MEI1: variants seen among roughly 807,000 people sequenced by gnomAD.
MEI1 encodes the protein meiosis inhibitor protein 1.
MEI1 carries 103 observed loss-of-function variants against 146.2 expected under a neutral mutation model. The ratio of observed to expected loss-of-function variants is 0.70; its 90% confidence interval spans 0.60 to 0.83. The LOEUF (loss-of-function observed/expected upper bound fraction) is 0.83. Among genes scored for constraint, MEI1 ranks in the 40% least tolerant of loss-of-function variants. MEI1 has a pLI of 0.00. For missense variants in MEI1, 1,529 were observed against 1,533.0 expected (o/e 1.00, Z 0.04); for synonymous variants, 652 against 628.2 (o/e 1.04, Z -0.57).
chr22:41,761,782 C>T lies in MEI1; in HGVS notation c.2121-1392C>T, dbSNP rs868029348. ...TCCATCACTGCAAAGCTGTCACTTC[C>T]GTTCCTCCTCCCCAGCTCCTGGCAA... On this transcript the variant is annotated intron_variant, in intron 18 of 30. Coordinates refer to ENST00000401548, the MANE Select transcript of MEI1 (RefSeq NM_152513.4). Among the ~76,000 whole-genome samples the T allele has an allele frequency of 1.2e-4, 18 of 152,308 alleles. No individual in the cohort carries two copies. In the Middle Eastern group the frequency reaches 0.01, roughly 86 times the overall value.
chr22:41,765,473 G>A (rs954983574), intron 19 of MEI1, among the ~76,000 whole-genome samples: 1 of 151,996 alleles, frequency 6.6e-6, no homozygotes, highest in Admixed American at 6.6e-5. Flanking sequence ...AGAGTAAGAC[G>A]TTGTCTCAAA....
At chr22:41,721,078 C>A (rs2070741490) in intron 6 of MEI1, among the ~76,000 whole-genome samples, 1 of 149,650 alleles carries the variant, frequency 6.7e-6, no homozygotes, top group Non-Finnish European at 1.5e-5. Flanking sequence ...TGCGCCCAGC[C>A]TTTTTTTTGT....
intron 8 of MEI1, among the ~76,000 whole-genome samples, 196 bp downstream of exon 8, chr22:41,729,975 TGTG>T (rs962560833): frequency 1.4e-4 from 21 of 152,248 alleles, no homozygotes; most frequent in African/African-American, 5.1e-4. Context: ...AAAAACCTAA[TGTG>T]GGGTGGTGAA....
At chr22:41,726,773 A>G (rs2071394055) in intron 7 of MEI1, among the ~76,000 whole-genome samples, 1 of 151,784 alleles carries the variant, frequency 6.6e-6, no homozygotes, top group African/African-American at 2.4e-5. Flanking sequence ...GATAAAGATT[A>G]ATTTCTTTTT....
intron 3 of MEI1, among the ~76,000 whole-genome samples, chr22:41,707,127 C>T (rs1266703890): frequency 6.6e-6 from 1 of 151,910 alleles, no homozygotes; most frequent in Non-Finnish European, 1.5e-5. Flanking sequence ...CACTTGAACC[C>T]GGGAGGTGGA....
At chr22:41,772,608 G>A (rs887679821) in intron 20 of MEI1, among the ~76,000 whole-genome samples, 1 of 152,140 alleles carries the variant, frequency 6.6e-6, no homozygotes, top group African/African-American at 2.4e-5. Flanking sequence ...AGGCATAAAC[G>A]ACTGTACCTG....
chr22:41,700,241 G>A (rs1392049511), intron 1 of MEI1, among the ~76,000 whole-genome samples: 1 of 152,256 alleles, frequency 6.6e-6, no homozygotes, highest in African/African-American at 2.4e-5. Flanking sequence ...CAGCCGGGCA[G>A]AAGTGGGGGT....
Position 41,770,083 on chromosome 22 carries a change from G to A in MEI1, c.2269-603G>A, listed in dbSNP as rs188266718. 1.1e-3 allele frequency among the ~76,000 whole-genome samples: 164 copies of A among 151,804 alleles called. 1 individual carries two copies. The highest frequency in any genetic ancestry group is 3.9e-3 in the African/African-American group (160 of 41,426). Reference sequence around the variant, plus strand: ...CGGGAGGCAGAGGTTGCGGTGAGCCGAGATCATGCCATTGCACTCCAGCCT... The same window carrying A: ...CGGGAGGCAGAGGTTGCGGTGAGCCAAGATCATGCCATTGCACTCCAGCCT... On this transcript the variant is annotated intron_variant, in intron 19 of 30. Transcript: ENST00000401548.
chr22:41,765,911 A>G lies in MEI1; in HGVS notation c.2268+2590A>G, dbSNP rs548114562. Among the ~76,000 whole-genome samples the G allele has an allele frequency of 1.8e-3, 211 of 119,646 alleles. 1 individual carries two copies. The highest frequency in any genetic ancestry group is 6.8e-3 in the African/African-American group (197 of 28,890). 78.5% of individuals were successfully genotyped at this position (119,646 alleles called of 152,430 possible). On this transcript the variant is annotated intron_variant, in intron 19 of 30. Coordinates refer to ENST00000401548, the MANE Select transcript of MEI1 (RefSeq NM_152513.4). ...TTTTTTTTTTTTTTTTTTTTTTTAG[A>G]CGGAGTCTTGCTCTGTCGCCAGGCT...
chr22:41,699,515 C>A lies in MEI1; in HGVS notation c.-24C>A. On this transcript the variant is annotated 5_prime_UTR_variant, in exon 1 of 31. Coordinates refer to ENST00000401548, the MANE Select transcript of MEI1 (RefSeq NM_152513.4). Reference sequence around the variant, plus strand: ...GCAGTCTGCGCGGGAAAGAGTGCCGCCTCAGCTGAGGGCAAGCGAGGAGAT... The same window carrying A: ...GCAGTCTGCGCGGGAAAGAGTGCCGACTCAGCTGAGGGCAAGCGAGGAGAT... 6.3e-7 allele frequency: 1 copy of A among 1,598,128 alleles called. No homozygotes were observed. The highest frequency in any genetic ancestry group is 2.2e-5 in the East Asian group (1 of 44,636).
chr22:41,781,062 T>C (rs2148148120), intron 22 of MEI1, among the ~76,000 whole-genome samples: 1 of 152,376 alleles, frequency 6.6e-6, no homozygotes, highest in African/African-American at 2.4e-5. Flanking sequence ...CTTTCTGTGA[T>C]GTGCAGCTGT....
At position 41,705,575 on chromosome 22, in the gene MEI1, T is replaced by C. The variant is rs777287967; in HGVS notation, c.349+21T>C. 2.1e-5 allele frequency: 34 copies of C among 1,603,694 alleles called. No individual in the cohort carries two copies. In the East Asian group the frequency reaches 7.4e-4, roughly 35 times the overall value. ...TGAAGGTAAGTTGAAACCTTGTATCTAGCACTTGAAGATGAAAGTATTAGT... is the reference window on the plus strand; with the variant it reads ...TGAAGGTAAGTTGAAACCTTGTATCCAGCACTTGAAGATGAAAGTATTAGT... On this transcript the variant is annotated intron_variant, in intron 3 of 30. Coordinates refer to ENST00000401548, the MANE Select transcript of MEI1 (RefSeq NM_152513.4).
At position 41,758,446 on chromosome 22, in the gene MEI1, C is replaced by G. The variant is rs201353679; in HGVS notation, c.2033C>G (p.Ser678Cys). 23 of 1,613,964 alleles carry G rather than the reference C, an allele frequency of 1.4e-5. No individual in the cohort carries two copies. The highest frequency in any genetic ancestry group is 1.7e-5 in the Admixed American group (1 of 60,006). Reference protein sequence around the residue: ...SRSPESLAFLSDRQYMEGAAR... With the variant: ...SRSPESLAFLCDRQYMEGAAR... ...AGCCCTGAAAGCCTTGCCTTCCTGT[C>G]TGATCGCCAGTACATGGAGGGAGCT... Residue 678 changes from serine (S) to cysteine (C), a missense_variant, in exon 18 of 31, where the codon TCT becomes TGT. Physicochemically the swap from Ser to Cys is moderately radical, Grantham distance 112. Coordinates refer to ENST00000401548, the MANE Select transcript of MEI1 (RefSeq NM_152513.4).
intron 26 of MEI1, among the ~76,000 whole-genome samples, chr22:41,786,261 G>T (rs377427401): frequency 6.6e-6 from 1 of 152,136 alleles, no homozygotes; most frequent in Admixed American, 6.5e-5. Flanking sequence ...TTCCAGGCTG[G>T]TCTCGAACTC....
At chr22:41,753,925 A>T (rs369666538) in intron 16 of MEI1, 24 bp from the exon 17 acceptor site, 2 of 1,505,966 alleles carry the variant, frequency 1.3e-6, no homozygotes, top group African/African-American at 1.4e-5. Context: ...CATCTCTTCT[A>T]TTCTTTCTTC....
chr22:41,746,102 A>G (rs1269154948), intron 14 of MEI1, 76 bp downstream of exon 14: 11 of 1,431,222 alleles, frequency 7.7e-6, no homozygotes, highest in South Asian at 1.4e-5. Context: ...GCTCAGAGGC[A>G]TAAGGCAGTG....
chr22:41,723,986 G>C lies in MEI1; in HGVS notation c.777G>C (p.Met259Ile). ...QLLKYDLFVS[M>I]IMNQDGLGES... ...TGAAGTATGATCTCTTTGTGTCCATGATCATGAACCAGGATGGACTGGGAG... is the reference window on the plus strand; with the variant it reads ...TGAAGTATGATCTCTTTGTGTCCATCATCATGAACCAGGATGGACTGGGAG... The change falls in exon 7 of 31, where the codon ATG becomes ATC. Residue 259 changes from methionine to isoleucine, a missense_variant. Transcript: ENST00000401548. 1.2e-6 allele frequency: 2 copies of C among 1,612,090 alleles called. No homozygotes were observed. Among genetic ancestry groups the C allele is most frequent in the Non-Finnish European group, 1.7e-6 (2 of 1,179,076 alleles).
chr22:41,702,150 C>T (rs76697129), intron 1 of MEI1, among the ~76,000 whole-genome samples: 6,169 of 152,236 alleles, frequency 0.041, 572 homozygotes, highest in Admixed American at 0.22. Context: ...ATTGAGCACA[C>T]TTTTCTTTTG....
chr22:41,763,578 G>C (rs928116683), intron 19 of MEI1, among the ~76,000 whole-genome samples: 11 of 151,932 alleles, frequency 7.2e-5, no homozygotes, highest in Admixed American at 2.0e-4. Flanking sequence ...GGCTGGGCAC[G>C]GTGGCTCACG....
Sources: gnomAD v4.1 joint callset for allele counts (sites outside exome capture counted in the v4.1 genomes callset) on GRCh38, gnomAD v4.1.1 for gene constraint, MANE v1.5 for transcripts, NCBI Gene and HGNC (gene_info 2026-07-23, HGNC 2026-07-21) for gene names.